PCDH15: variants seen among roughly 807,000 people sequenced by gnomAD.
The protein encoded by PCDH15 is protocadherin-15.
Under a neutral mutation model 178.5 loss-of-function variants are expected in PCDH15, and 129 were observed. The observed-to-expected ratio is 0.72, with a 90% CI of 0.63 to 0.84. The LOEUF (loss-of-function observed/expected upper bound fraction) is 0.84. PCDH15 is among the 40% of genes least tolerant of loss of function. The pLI is 0.00. For synonymous variants in PCDH15, 800 were observed against 732.0 expected, an observed-to-expected ratio of 1.09 and a Z score of -1.50; for missense variants, 2,230 against 2,099.9, an observed-to-expected ratio of 1.06 and a Z score of -1.21.
At chr10:55,478,471 A>G (rs1446092058) in intron 2 of PCDH15, among the ~76,000 whole-genome samples, 1 of 151,666 alleles carries the variant, frequency 6.6e-6, no homozygotes, top group Non-Finnish European at 1.5e-5. Flanking sequence ...ACAATATACC[A>G]AAACCTATAA....
chr10:54,062,823 A>T (rs1480332853), intron 18 of PCDH15, among the ~76,000 whole-genome samples: 1 of 152,164 alleles, frequency 6.6e-6, no homozygotes, highest in East Asian at 1.9e-4. Context: ...AAAACTAATC[A>T]TCATGTTGAT....
chr10:55,176,282 GC>G (rs1209218926), intron 1 of PCDH15, among the ~76,000 whole-genome samples: 1 of 152,060 alleles, frequency 6.6e-6, no homozygotes, highest in Non-Finnish European at 1.5e-5. Context: ...GTTTACTCCT[GC>G]CTTTTAAATC....
intron 2 of PCDH15, among the ~76,000 whole-genome samples, chr10:54,971,145 G>A (rs1025163547): frequency 1.3e-5 from 2 of 152,092 alleles, no homozygotes; most frequent in African/African-American, 4.8e-5. Context: ...AATTTTGGGG[G>A]TCAAGAGGTG....
chr10:54,140,944 A>T (rs191961227), intron 14 of PCDH15, among the ~76,000 whole-genome samples: 1 of 151,832 alleles, frequency 6.6e-6, no homozygotes, highest in African/African-American at 2.4e-5. Context: ...TGCCTCCCCA[A>T]CTGTTGGGAT....
intron 18 of PCDH15, among the ~76,000 whole-genome samples, chr10:54,042,818 G>T (rs2093577515): frequency 6.6e-6 from 1 of 152,126 alleles, no homozygotes; most frequent in African/African-American, 2.4e-5. Flanking sequence ...TGCAGAAATT[G>T]ACTGTAAGAG....
At chr10:54,965,608 CATATATATATATAT>C (rs71461263) in intron 2 of PCDH15, among the ~76,000 whole-genome samples, 15 of 141,436 alleles carry the variant, frequency 1.1e-4, no homozygotes, top group Middle Eastern at 3.9e-3. Flanking sequence ...AACTTTGCTT[CATATATATATATAT>C]ATATATATAT....
At chr10:54,456,253 G>C (rs12254278) in intron 3 of PCDH15, among the ~76,000 whole-genome samples, 7,171 of 152,242 alleles carry the variant, frequency 0.047, 361 homozygotes, top group African/African-American at 0.12. Context: ...GCAGCTGAAG[G>C]GGGGGCATAC....
chr10:54,781,328 C>CTAAG (rs1950341439), intron 1 of PCDH15, among the ~76,000 whole-genome samples: 1 of 151,998 alleles, frequency 6.6e-6, no homozygotes, highest in Non-Finnish European at 1.5e-5. Context: ...CCACCATCCC[C>CTAAG]CGACAGGCCC....
At chr10:55,254,583 A>G (rs1841937647) in intron 1 of PCDH15, among the ~76,000 whole-genome samples, 1 of 152,232 alleles carries the variant, frequency 6.6e-6, no homozygotes, top group African/African-American at 2.4e-5. Context: ...GGACATAGAA[A>G]AAAATATATA....
intron 2 of PCDH15, among the ~76,000 whole-genome samples, chr10:54,594,644 G>T (rs145116417): frequency 6.6e-6 from 1 of 152,164 alleles, no homozygotes; most frequent in Non-Finnish European, 1.5e-5. Flanking sequence ...CGCTGCCAGC[G>T]ATCCCCATAC....
chr10:54,181,636 T>TG (rs1281642866), intron 13 of PCDH15, among the ~76,000 whole-genome samples: 3 of 152,176 alleles, frequency 2.0e-5, no homozygotes, highest in African/African-American at 7.2e-5. Context: ...TAGATACAGA[T>TG]GCCACAGATA....
chr10:54,488,406 G>T (rs2079287875), intron 3 of PCDH15, among the ~76,000 whole-genome samples: 1 of 151,364 alleles, frequency 6.6e-6, no homozygotes, highest in African/African-American at 2.4e-5. Flanking sequence ...AATAACTTAG[G>T]GCCGTGTTTG....
intron 2 of PCDH15, among the ~76,000 whole-genome samples, chr10:55,009,560 T>C (rs1410825470): frequency 1.3e-5 from 2 of 152,146 alleles, no homozygotes; most frequent in Non-Finnish European, 2.9e-5. Context: ...TAATTATTAT[T>C]ATCTTTTATG....
intron 20 of PCDH15, among the ~76,000 whole-genome samples, chr10:54,004,241 C>T (rs1344058480): frequency 1.3e-5 from 2 of 152,000 alleles, no homozygotes; most frequent in African/African-American, 2.4e-5. Context: ...CCAGGATGCC[C>T]ACTATCACCA....
intron 2 of PCDH15, among the ~76,000 whole-genome samples, chr10:55,566,684 G>C (rs1194671545): frequency 6.6e-6 from 1 of 151,366 alleles, no homozygotes; most frequent in Non-Finnish European, 1.5e-5. Context: ...AATTTAATTT[G>C]CAATAGCATC....
intron 3 of PCDH15, among the ~76,000 whole-genome samples, chr10:54,485,097 T>C (rs1255537395): frequency 6.6e-6 from 1 of 151,816 alleles, no homozygotes; most frequent in Non-Finnish European, 1.5e-5. Context: ...AATTCCACAA[T>C]ATGAGAACAC....
chr10:54,237,098 G>A lies in PCDH15; in HGVS notation c.877-167C>T, dbSNP rs77304006. Among the ~76,000 whole-genome samples the A allele has an allele frequency of 3.9e-3, 599 of 152,156 alleles. 3 individuals carry two copies. Among genetic ancestry groups the A allele is most frequent in the African/African-American group, 0.014 (563 of 41,528 alleles). ...TACTAGTTAATTTTGAATGTTAAGG[G>A]GGAGCAAAGTATTCTCAAAGTCAAA... On this transcript the variant is annotated intron_variant, in intron 8 of 37. Coordinates refer to ENST00000644397, the MANE Select transcript of PCDH15 (RefSeq NM_001384140.1).
intron 2 of PCDH15, among the ~76,000 whole-genome samples, chr10:54,898,565 T>A (rs1022982622): frequency 2.0e-5 from 3 of 152,154 alleles, no homozygotes. Flanking sequence ...TAATCCATTG[T>A]ATCATTTTTC....
intron 15 of PCDH15, among the ~76,000 whole-genome samples, chr10:54,097,118 AT>A (rs2094713837): frequency 6.6e-6 from 1 of 152,000 alleles, no homozygotes; most frequent in African/African-American, 2.4e-5. Context: ...ACTCTCCATA[AT>A]TTTTCCCAGG....
Sources: gnomAD v4.1 joint callset for allele counts (sites outside exome capture counted in the v4.1 genomes callset) on GRCh38, gnomAD v4.1.1 for gene constraint, MANE v1.5 for transcripts, NCBI Gene and HGNC (gene_info 2026-07-23, HGNC 2026-07-21) for gene names.